The following FAM76A variants were observed in gnomAD, a reference collection of about 807,000 sequenced individuals.
FAM76A encodes the protein protein FAM76A.
FAM76A carries 32 observed loss-of-function variants against 46.2 expected under a neutral mutation model. The ratio of observed to expected loss-of-function variants is 0.69; its 90% CI spans 0.52 to 0.93. FAM76A has a LOEUF of 0.93. Among genes scored for constraint, FAM76A ranks in the 40% least tolerant of loss-of-function variants. FAM76A has a pLI of 0.00. For missense variants in FAM76A, 274 were observed against 361.5 expected (o/e 0.76, Z 1.96); for synonymous variants, 137 against 127.0 (o/e 1.08, Z -0.53).
chr1:27,726,521 C>A (rs1482964046), intron 1 of FAM76A, among the ~76,000 whole-genome samples: 2 of 152,228 alleles, frequency 1.3e-5, no homozygotes, highest in Non-Finnish European at 2.9e-5. Flanking sequence ...CCTGCCCCTC[C>A]TGGGACTGAA....
chr1:27,759,915 A>T (rs1200377572), intron 8 of FAM76A: 1 of 506,148 alleles, frequency 2.0e-6, no homozygotes, highest in South Asian at 1.5e-5. Flanking sequence ...CCACAGCCAT[A>T]TACCACCATA....
chr1:27,732,708 C>A lies in FAM76A; in HGVS notation c.201+51C>A, dbSNP rs190136668. The stretch of plus-strand genomic sequence containing the variant: ...CAGTGAGTACTAGGGTCTTGTGGAA[C>A]CTTACCTTCTGTGGCCTACTAATGC... On this transcript the variant is annotated intron_variant, in intron 3 of 8. Transcript: ENST00000373954. The A allele has an allele frequency of 2.6e-3, 3,662 of 1,426,256 alleles. 8 individuals are homozygous for A. Among genetic ancestry groups the A allele is most frequent in the Non-Finnish European group, 3.2e-3 (3,341 of 1,031,370 alleles). The allele number at this position is 1,426,256 out of a possible 1,614,324, so 88.4% of individuals were successfully genotyped here.
At chr1:27,755,090 C>A in intron 6 of FAM76A, 105 bp from the exon 7 acceptor site, 1 of 1,280,112 alleles carries the variant, frequency 7.8e-7, no homozygotes, top group Non-Finnish European at 1.1e-6. Context: ...TGCTAGGATT[C>A]CTGCCCTTTA....
Position 27,726,001 on chromosome 1 carries a change from C to T in FAM76A, c.-80C>T. ...CCTGCCGCAGCCAGCAGCCTGCAGCCGCCGCCGGGTTGTGCCTCAGACTGT... is the reference window on the plus strand; with the variant it reads ...CCTGCCGCAGCCAGCAGCCTGCAGCTGCCGCCGGGTTGTGCCTCAGACTGT... On this transcript the variant is annotated 5_prime_UTR_variant, in exon 1 of 9. Coordinates refer to ENST00000373954, the MANE Select transcript of FAM76A (RefSeq NM_152660.3). 4.4e-6 allele frequency: 5 copies of T among 1,143,260 alleles called. No individual in the cohort carries two copies. Among genetic ancestry groups the T allele is most frequent in the Non-Finnish European group, 5.5e-6 (5 of 910,566 alleles). The allele number at this position is 1,143,260 out of a possible 1,614,324, so 70.8% of individuals were successfully genotyped here.
At position 27,760,663 on chromosome 1, in the gene FAM76A, T is replaced by C; in HGVS notation, c.*82T>C. On this transcript the variant is annotated 3_prime_UTR_variant, in exon 9 of 9. Coordinates refer to ENST00000373954, the MANE Select transcript of FAM76A (RefSeq NM_152660.3). ...GGAGACCTGGCTGTTCTGTGGGAAT[T>C]GCAAGCTTTCTTAAGAAATCTCTAT... 1 of 950,090 alleles carries C rather than the reference T, an allele frequency of 1.1e-6. No individual in the cohort carries two copies. The highest frequency in any genetic ancestry group is 1.6e-6 in the Non-Finnish European group (1 of 631,904). The allele number at this position is 950,090 out of a possible 1,614,324, so 58.9% of individuals were successfully genotyped here.
At chr1:27,749,443 C>T (rs933819830) in intron 6 of FAM76A, among the ~76,000 whole-genome samples, 2 of 152,314 alleles carry the variant, frequency 1.3e-5, no homozygotes, top group Admixed American at 6.5e-5. Context: ...TTTTGGCTCA[C>T]TGCAACTTCT....
intron 7 of FAM76A, among the ~76,000 whole-genome samples, chr1:27,759,273 A>G (rs1431011847): frequency 6.6e-6 from 1 of 152,210 alleles, no homozygotes; most frequent in Non-Finnish European, 1.5e-5. Context: ...TTTTTCTGCA[A>G]CATAGTAAAA....
At chr1:27,737,868 C>CAAAAAAAAAAAAAAAA (rs71571865) in intron 4 of FAM76A, among the ~76,000 whole-genome samples, 10 of 62,702 alleles carry the variant, frequency 1.6e-4, no homozygotes, top group African/African-American at 2.4e-4. Flanking sequence ...ACAACAACAA[C>CAAAAAAAAAAAAAAAA]AAAAAAAAAA....
chr1:27,735,747 C>T (rs1372434817), intron 4 of FAM76A, among the ~76,000 whole-genome samples: 1 of 152,196 alleles, frequency 6.6e-6, no homozygotes, highest in Admixed American at 6.6e-5. Context: ...TCACTTTCTT[C>T]ATCTTTCTCC....
In FAM76A at chr1:27,726,076, C is replaced by T. The variant is rs1571459613; in HGVS notation, c.-5C>T. On this transcript the variant is annotated 5_prime_UTR_variant, in exon 1 of 9. Coordinates refer to ENST00000373954, the MANE Select transcript of FAM76A (RefSeq NM_152660.3). ...GCGGGTCGGTGAGCGCGGCCCGGGCCGGACATGGCGGCGCTCTACGCCTGC... is the reference window on the plus strand; with the variant it reads ...GCGGGTCGGTGAGCGCGGCCCGGGCTGGACATGGCGGCGCTCTACGCCTGC... The T allele has an allele frequency of 7.9e-7, 1 of 1,260,154 alleles. No homozygotes were observed. Among genetic ancestry groups the T allele is most frequent in the Non-Finnish European group, 1.0e-6 (1 of 1,001,824 alleles). The allele number at this position is 1,260,154 out of a possible 1,614,324, so 78.1% of individuals were successfully genotyped here.
In FAM76A at chr1:27,729,207, AT is replaced by A. The variant is rs559802429; in HGVS notation, c.146+1682del. Among the ~76,000 whole-genome samples, 72 of 146,862 alleles carry A rather than the reference AT, an allele frequency of 4.9e-4. No individual in the cohort carries two copies. The East Asian group carries it at 5.0e-3, about 10-fold the overall frequency. On this transcript the variant is annotated intron_variant, in intron 2 of 8. Coordinates refer to ENST00000373954, the MANE Select transcript of FAM76A (RefSeq NM_152660.3). Reference sequence around the variant, plus strand: ...TATCTTCTCCAAGATTTTATCATGGATTTTTTTTTTTCTTTTATGAGACAGG... The same window carrying A: ...TATCTTCTCCAAGATTTTATCATGGATTTTTTTTTTCTTTTATGAGACAGG...
Position 27,726,161 on chromosome 1 carries a change from G to C in FAM76A, c.81G>C (p.Lys27Asn). 7.8e-7 allele frequency: 1 copy of C among 1,286,464 alleles called. No individual in the cohort carries two copies. Among genetic ancestry groups the C allele is most frequent in the South Asian group, 2.6e-5 (1 of 38,010 alleles). The allele number at this position is 1,286,464 out of a possible 1,614,324, so 79.7% of individuals were successfully genotyped here. Residue 27 changes from lysine (K) to asparagine (N), a missense_variant and splice_region_variant, in exon 1 of 9, where the codon AAG becomes AAC. Coordinates refer to ENST00000373954, the MANE Select transcript of FAM76A (RefSeq NM_152660.3). The stretch of plus-strand genomic sequence containing the variant: ...TGTCTCAGGGGCAGCAGCTGTGCAA[G>C]GTGCGCGGGCTGGGGCGGCGGCCGG... ...EALSQGQQLC[K>N]ECRIAHPVVK...
At chr1:27,759,878 C>T (rs2088477484) in intron 8 of FAM76A, 3 of 551,020 alleles carry the variant, frequency 5.4e-6, no homozygotes, top group Admixed American at 4.4e-5. Flanking sequence ...GGTGATCCTC[C>T]CACCTCACCC....
In FAM76A at chr1:27,760,944, T is replaced by G. The variant is rs913229440; in HGVS notation, c.*363T>G. 8.2e-6 allele frequency: 1 copy of G among 122,482 alleles called. No homozygotes were observed. The highest frequency in any genetic ancestry group is 3.8e-5 in the African/African-American group (1 of 26,366). The allele number at this position is 122,482 out of a possible 1,614,324, so 7.6% of individuals were successfully genotyped here. A position where few individuals can be genotyped will look rare whatever the true frequency, so the allele number is the denominator to read the frequency against. ...TGTAATGTGCAGAATGATTTGTTTT[T>G]TGTTTTTTTTTTTTTTTTTGGTCCT... On this transcript the variant is annotated 3_prime_UTR_variant, in exon 9 of 9. Coordinates refer to ENST00000373954, the MANE Select transcript of FAM76A (RefSeq NM_152660.3).
At chr1:27,744,602 C>T (rs200735434) in intron 4 of FAM76A, 52 bp from the exon 5 acceptor site, 5 of 1,592,280 alleles carry the variant, frequency 3.1e-6, no homozygotes, top group African/African-American at 1.3e-5. Flanking sequence ...ACCACGTTTG[C>T]AGCCACTGCG....
At chr1:27,737,875 A>C (rs1372648019) in intron 4 of FAM76A, among the ~76,000 whole-genome samples, 47 of 146,010 alleles carry the variant, frequency 3.2e-4, no homozygotes, top group African/African-American at 1.1e-3. Flanking sequence ...CAACAAAAAA[A>C]AAAAAAAAAA....
chr1:27,729,461 C>T (rs781477028), intron 2 of FAM76A, among the ~76,000 whole-genome samples: 11 of 151,820 alleles, frequency 7.2e-5, no homozygotes, highest in Non-Finnish European at 1.5e-4. Flanking sequence ...CTGCCTGCCT[C>T]GGCCTCCCAA....
At chr1:27,739,943 G>T in intron 4 of FAM76A, 2 of 236,534 alleles carry the variant, frequency 8.5e-6, no homozygotes, top group Non-Finnish European at 8.4e-6. Context: ...TTACCCTTGG[G>T]AGCCAGTGCT....
At chr1:27,754,277 TTTA>T (rs2088376521) in intron 6 of FAM76A, among the ~76,000 whole-genome samples, 1 of 152,086 alleles carries the variant, frequency 6.6e-6, no homozygotes, top group Non-Finnish European at 1.5e-5. Context: ...CAGCTAATTT[TTTA>T]TTTTTAGTAG....
Sources: allele counts gnomAD v4.1 joint callset (sites outside exome capture counted in the v4.1 genomes callset), GRCh38; gene constraint gnomAD v4.1.1; transcripts MANE v1.5; gene names NCBI Gene and HGNC (gene_info 2026-07-23, HGNC 2026-07-21).